Variants in STPG2 observed in about 807,000 individuals in gnomAD.
STPG2 encodes sperm tail PG-rich repeat containing 2, also known as sperm-tail PG-rich repeat-containing protein 2.
A neutral mutation model predicts 54.2 loss-of-function variants in STPG2; 56 were observed. That is an observed-to-expected ratio of 1.03 (90% CI 0.83 to 1.29). The LOEUF (loss-of-function observed/expected upper bound fraction) is 1.29, where lower values mean the gene tolerates loss of function less well. STPG2 is among the 50% of genes most tolerant of loss of function. The pLI, the probability that STPG2 is intolerant of heterozygous loss-of-function variation, is 0.00. For synonymous variants in STPG2, 200 were observed against 181.8 expected (o/e 1.10, Z -0.81); for missense variants, 596 against 544.9 (o/e 1.09, Z -0.93).
chr4:97,451,979 G>A (rs1729381581), intron 4 of STPG2, among the ~76,000 whole-genome samples: 1 of 152,044 alleles, frequency 6.6e-6, no homozygotes. Flanking sequence ...ACTCCATGGA[G>A]CCTGCAGGAT....
intron 4 of STPG2, among the ~76,000 whole-genome samples, chr4:97,443,150 T>C (rs1198771851): frequency 6.6e-6 from 1 of 152,170 alleles, no homozygotes; most frequent in Admixed American, 6.5e-5. Flanking sequence ...GTGAGAATAG[T>C]GAGGCAGGTG....
At chr4:98,075,050 AT>A (rs1257610087) in intron 5 of STPG2, among the ~76,000 whole-genome samples, 1 of 152,188 alleles carries the variant, frequency 6.6e-6, no homozygotes, top group African/African-American at 2.4e-5. Context: ...GGATTGAGAA[AT>A]TTTGACACTG....
chr4:97,668,960 G>A (rs1722614718), intron 10 of STPG2, among the ~76,000 whole-genome samples: 1 of 151,922 alleles, frequency 6.6e-6, no homozygotes, highest in African/African-American at 2.4e-5. Context: ...GAATTCTGAG[G>A]AACTGCTATA....
At chr4:97,772,203 T>C (rs1726242090) in intron 9 of STPG2, among the ~76,000 whole-genome samples, 2 of 152,212 alleles carry the variant, frequency 1.3e-5, no homozygotes, top group Admixed American at 6.5e-5. Flanking sequence ...CTGGGATATA[T>C]GCCATTAAGA....
chr4:98,125,965 C>T (rs998369141), intron 3 of STPG2, among the ~76,000 whole-genome samples: 4 of 152,200 alleles, frequency 2.6e-5, no homozygotes, highest in African/African-American at 7.2e-5. Context: ...ACCCACTGTG[C>T]CGTGGTGTGG....
At chr4:97,988,800 T>A (rs982535696) in intron 5 of STPG2, among the ~76,000 whole-genome samples, 4 of 152,116 alleles carry the variant, frequency 2.6e-5, no homozygotes, top group Admixed American at 1.3e-4. Flanking sequence ...GAGATGGGTT[T>A]TTGCCATGTT....
chr4:98,026,018 T>TAATTAC, intron 5 of STPG2: 1 of 1,038,212 alleles, frequency 9.6e-7, no homozygotes, highest in Non-Finnish European at 1.5e-6. Flanking sequence ...AGATTACATG[T>TAATTAC]AAGATGAAGA....
intron 8 of STPG2, among the ~76,000 whole-genome samples, chr4:97,933,543 A>AG (rs536541877): frequency 6.6e-6 from 1 of 152,102 alleles, no homozygotes; most frequent in South Asian, 2.1e-4. Flanking sequence ...TTTTTGTATA[A>AG]GGTGTAAGGA....
intron 8 of STPG2, among the ~76,000 whole-genome samples, chr4:97,866,765 A>G (rs895958322): frequency 8.6e-5 from 13 of 152,000 alleles, no homozygotes; most frequent in Admixed American, 2.0e-4. Flanking sequence ...AGTGATCTCA[A>G]TAAGATTTTT....
intron 4 of STPG2, chr4:97,489,624 A>C (rs1042464555): frequency 1.3e-5 from 2 of 151,710 alleles, no homozygotes; most frequent in African/African-American, 2.4e-5. Context: ...CTTGGGAAGA[A>C]AAGGGAAAGA....
chr4:97,658,838 A>G (rs1722293371), intron 10 of STPG2, among the ~76,000 whole-genome samples: 1 of 152,220 alleles, frequency 6.6e-6, no homozygotes, highest in South Asian at 2.1e-4. Flanking sequence ...GTAGCCAGTG[A>G]GAGTATTAAA....
chr4:97,459,404 A>G (rs1284783050), intron 4 of STPG2, among the ~76,000 whole-genome samples: 1 of 150,544 alleles, frequency 6.6e-6, no homozygotes, highest in African/African-American at 2.4e-5. Flanking sequence ...TATTCAATCC[A>G]GTATCATGCA....
intron 8 of STPG2, among the ~76,000 whole-genome samples, chr4:97,893,973 T>C (rs1050100580): frequency 6.6e-6 from 1 of 151,888 alleles, no homozygotes; most frequent in Non-Finnish European, 1.5e-5. Context: ...AAACAGAATG[T>C]AAGAGAGGAA....
intron 7 of STPG2, among the ~76,000 whole-genome samples, chr4:97,961,343 C>T (rs982936738): frequency 6.6e-6 from 1 of 152,036 alleles, no homozygotes; most frequent in African/African-American, 2.4e-5. Flanking sequence ...GCAATAAAAG[C>T]AAAGATAAAT....
At chr4:97,579,129 C>T (rs1732798616) in intron 10 of STPG2, among the ~76,000 whole-genome samples, 1 of 152,008 alleles carries the variant, frequency 6.6e-6, no homozygotes, top group Non-Finnish European at 1.5e-5. Flanking sequence ...CTGCAAAGAA[C>T]TTGCATGAAT....
chr4:97,755,455 C>T (rs1239217761), intron 9 of STPG2, among the ~76,000 whole-genome samples: 9 of 152,140 alleles, frequency 5.9e-5, no homozygotes, highest in African/African-American at 2.2e-4. Context: ...CCTTTAATTA[C>T]ACTCACATAT....
chr4:97,902,802 C>A (rs193095557), intron 8 of STPG2, among the ~76,000 whole-genome samples: 23 of 152,106 alleles, frequency 1.5e-4, no homozygotes, highest in African/African-American at 5.5e-4. Flanking sequence ...GGCTATACAT[C>A]CAAAAGAAAT....
chr4:98,043,120 G>A (rs2149308481), intron 5 of STPG2, among the ~76,000 whole-genome samples: 1 of 152,010 alleles, frequency 6.6e-6, no homozygotes, highest in African/African-American at 2.4e-5. Context: ...TTTTACTAAA[G>A]CGTACTTTTC....
chr4:97,955,069 A>T (rs978922558), intron 7 of STPG2, among the ~76,000 whole-genome samples: 1 of 152,214 alleles, frequency 6.6e-6, no homozygotes, highest in South Asian at 2.1e-4. Context: ...AGAAATAAAA[A>T]AATACAATAT....
Sources: allele counts gnomAD v4.1 joint callset (sites outside exome capture counted in the v4.1 genomes callset), GRCh38; gene constraint gnomAD v4.1.1; transcripts MANE v1.5; gene names NCBI Gene and HGNC (gene_info 2026-07-23, HGNC 2026-07-21).